The following SEMA6A variants were observed in gnomAD, a reference collection of about 807,000 sequenced individuals.
The protein encoded by SEMA6A is semaphorin 6A, also known as semaphorin-6A.
In SEMA6A, 25 loss-of-function variants were observed where a neutral mutation model predicts 96.8. That is an observed-to-expected ratio of 0.26 (90% CI 0.19 to 0.36). The LOEUF is 0.36. Ranked by LOEUF, SEMA6A falls within the 10% of genes least tolerant of loss-of-function variation. The pLI, the probability that SEMA6A is intolerant of heterozygous loss-of-function variation, is 1.00. For synonymous variants in SEMA6A, 612 were observed against 518.0 expected, an observed-to-expected ratio of 1.18 and a Z score of -2.46; for missense variants, 1,363 against 1,323.1, an observed-to-expected ratio of 1.03 and a Z score of -0.47.
At chr5:116,498,357 G>C (rs868046038) in intron 3 of SEMA6A, 1 of 152,080 alleles carries the variant, frequency 6.6e-6, no homozygotes. Flanking sequence ...TTACTTAAAA[G>C]AAAGAGCGGG....
chr5:116,553,016 G>C (rs376336922), intron 1 of SEMA6A, among the ~76,000 whole-genome samples: 2 of 152,156 alleles, frequency 1.3e-5, no homozygotes, highest in African/African-American at 4.8e-5. Context: ...GAATCTTTGT[G>C]AGTCACCAAA....
chr5:116,552,938 A>G (rs1760474916), intron 1 of SEMA6A, among the ~76,000 whole-genome samples: 1 of 152,172 alleles, frequency 6.6e-6, no homozygotes, highest in East Asian at 1.9e-4. Context: ...TCCAGGAGAA[A>G]AGCATCTTCT....
intron 18 of SEMA6A, among the ~76,000 whole-genome samples, chr5:116,466,972 C>A (rs1755796429): frequency 6.6e-6 from 1 of 152,152 alleles, no homozygotes; most frequent in Admixed American, 6.5e-5. Flanking sequence ...AGTAGAGTCC[C>A]TTTCATTTAG....
At chr5:116,533,638 C>T (rs1759585701) in intron 1 of SEMA6A, among the ~76,000 whole-genome samples, 1 of 152,194 alleles carries the variant, frequency 6.6e-6, no homozygotes, top group South Asian at 2.1e-4. Context: ...TTTAGCAAAG[C>T]TGCTAACTGC....
chr5:116,552,629 T>C, intron 1 of SEMA6A, among the ~76,000 whole-genome samples: 1 of 152,152 alleles, frequency 6.6e-6, no homozygotes, highest in Non-Finnish European at 1.5e-5. Context: ...AGCCACCGTC[T>C]TGTGAGGGAG....
At chr5:116,565,795 T>C (rs768840271) in intron 1 of SEMA6A, among the ~76,000 whole-genome samples, 3 of 152,230 alleles carry the variant, frequency 2.0e-5, no homozygotes, top group South Asian at 4.1e-4. Context: ...TTGAATTGTT[T>C]TGAGTGTTTT....
intron 10 of SEMA6A, among the ~76,000 whole-genome samples, chr5:116,482,880 G>A (rs1471396440): frequency 6.6e-6 from 1 of 152,206 alleles, no homozygotes; most frequent in African/African-American, 2.4e-5. Context: ...AGTGATAGAA[G>A]TTTCATGAAT....
chr5:116,552,201 C>T (rs1580508153), intron 1 of SEMA6A, among the ~76,000 whole-genome samples: 1 of 152,142 alleles, frequency 6.6e-6, no homozygotes, highest in East Asian at 1.9e-4. Flanking sequence ...CGGCCTAACG[C>T]TTCCTCTGAT....
chr5:116,455,168 T>C (rs1401309194), intron 18 of SEMA6A, among the ~76,000 whole-genome samples: 1 of 152,188 alleles, frequency 6.6e-6, no homozygotes, highest in African/African-American at 2.4e-5. Flanking sequence ...TTTCCCTGTG[T>C]GCTGGGAACG....
chr5:116,471,662 T>C (rs1278323370), intron 17 of SEMA6A: 1 of 152,208 alleles, frequency 6.6e-6, no homozygotes, highest in Non-Finnish European at 1.5e-5. Context: ...TGTGGGCTTA[T>C]CTACTCCACA....
intron 18 of SEMA6A, among the ~76,000 whole-genome samples, chr5:116,451,513 A>G (rs918128632): frequency 6.6e-6 from 1 of 152,224 alleles, no homozygotes; most frequent in African/African-American, 2.4e-5. Context: ...AAACAACAGA[A>G]GTGGAAAATG....
Position 116,488,919 on chromosome 5 carries a change from C to A in SEMA6A, c.624G>T (p.Arg208=), listed in dbSNP as rs1402779943. The A allele has an allele frequency of 2.5e-6, 4 of 1,586,982 alleles. No individual in the cohort carries two copies. The highest frequency in any genetic ancestry group is 4.6e-5 in the East Asian group (2 of 43,904). Residue 208 remains arginine, a synonymous_variant, in exon 8 of 19, where the codon CGG becomes CGT. Transcript: ENST00000343348. ...ACCATTTTGAATCGTGCTTGACGGT[C>A]CGCAGGGTAGGGCTTTCTCCAAGAC... ...YRSLGESPTL[R]TVKHDSKWLK...
At chr5:116,478,243 C>T in intron 13 of SEMA6A, 89 bp from the exon 14 acceptor site, 1 of 1,462,280 alleles carries the variant, frequency 6.8e-7, no homozygotes, top group Non-Finnish European at 9.3e-7. Flanking sequence ...GCCCACAAGG[C>T]AATCTCTTAA....
At chr5:116,475,700 G>C in intron 15 of SEMA6A, 97 bp from the exon 16 acceptor site, 1 of 801,316 alleles carries the variant, frequency 1.2e-6, no homozygotes, top group Non-Finnish European at 2.0e-6. Flanking sequence ...AACACAGTTT[G>C]ATAAATTGAG....
At chr5:116,563,832 T>A (rs1760917147) in intron 1 of SEMA6A, among the ~76,000 whole-genome samples, 1 of 152,244 alleles carries the variant, frequency 6.6e-6, no homozygotes, top group African/African-American at 2.4e-5. Flanking sequence ...ACAGAACCTA[T>A]TTTCTTACCC....
At chr5:116,500,120 G>C (rs1757799741) in intron 3 of SEMA6A, among the ~76,000 whole-genome samples, 1 of 152,180 alleles carries the variant, frequency 6.6e-6, no homozygotes. Context: ...GAAGGAGCTG[G>C]TATTCTATCA....
chr5:116,475,300 A>C (rs569009275), intron 16 of SEMA6A, among the ~76,000 whole-genome samples: 2 of 152,202 alleles, frequency 1.3e-5, no homozygotes, highest in Non-Finnish European at 2.9e-5. Flanking sequence ...AATATCCTCT[A>C]GGGTGAATTT....
chr5:116,481,387 C>T (rs1191928132), intron 11 of SEMA6A, among the ~76,000 whole-genome samples: 1 of 152,128 alleles, frequency 6.6e-6, no homozygotes, highest in African/African-American at 2.4e-5. Context: ...TCTGAGGTTG[C>T]TGGGGTGTGC....
chr5:116,539,587 G>A (rs1759871997), intron 1 of SEMA6A, among the ~76,000 whole-genome samples: 1 of 143,354 alleles, frequency 7.0e-6, no homozygotes, highest in Non-Finnish European at 1.5e-5. Context: ...TAATAATTCT[G>A]TGCGTGTGTG....
Sources: allele counts gnomAD v4.1 joint callset (sites outside exome capture counted in the v4.1 genomes callset), GRCh38; gene constraint gnomAD v4.1.1; transcripts MANE v1.5; gene names NCBI Gene and HGNC (gene_info 2026-07-23, HGNC 2026-07-21).